The following CLCA2 variants were observed in gnomAD, a reference collection of about 807,000 sequenced individuals.
CLCA2 encodes chloride channel accessory 2, also known as calcium-activated chloride channel regulator 2.
CLCA2 carries 85 observed loss-of-function variants against 82.9 expected under a neutral mutation model. That is an observed-to-expected ratio of 1.03 (90% CI 0.86 to 1.23). The LOEUF (loss-of-function observed/expected upper bound fraction) is 1.23. Among genes scored for constraint, CLCA2 ranks in the 50% most tolerant of loss-of-function variants. CLCA2 has a pLI of 0.00. For missense variants in CLCA2, 1,089 were observed against 1,124.8 expected (o/e 0.97, Z 0.45); for synonymous variants, 421 against 391.7 (o/e 1.07, Z -0.88).
intron 4 of CLCA2, among the ~76,000 whole-genome samples, chr1:86,431,437 T>C (rs1404076956): frequency 6.6e-6 from 1 of 152,242 alleles, no homozygotes; most frequent in Non-Finnish European, 1.5e-5. Flanking sequence ...TTCCCATCTT[T>C]TGTATTATCA....
At chr1:86,430,278 A>G (rs1460153544) in intron 3 of CLCA2, among the ~76,000 whole-genome samples, 1 of 152,140 alleles carries the variant, frequency 6.6e-6, no homozygotes, top group Non-Finnish European at 1.5e-5. Context: ...ACACATAAAC[A>G]TGGAGAATAA....
chr1:86,443,515 A>G (rs1325602455), intron 9 of CLCA2, among the ~76,000 whole-genome samples: 1 of 152,246 alleles, frequency 6.6e-6, no homozygotes, highest in Non-Finnish European at 1.5e-5. Context: ...TGGATAAGAG[A>G]TAATATGAGG....
intron 3 of CLCA2, among the ~76,000 whole-genome samples, chr1:86,429,404 C>T (rs74873327): frequency 0.046 from 7,032 of 152,238 alleles, 218 homozygotes; most frequent in East Asian, 0.1. Flanking sequence ...CACGTGGAGA[C>T]AGCATTAAGG....
Position 86,439,058 on chromosome 1 carries a change from A to T in CLCA2, c.1155A>T (p.Ser385=). The T allele has an allele frequency of 6.2e-7, 1 of 1,614,166 alleles. No individual in the cohort carries two copies. The highest frequency in any genetic ancestry group is 8.5e-7 in the Non-Finnish European group (1 of 1,180,002). Residue 385 remains serine (S), a synonymous_variant, in exon 7 of 14, where the codon TCA becomes TCT. Transcript: ENST00000370565. ...LLVSYLPTTV[S]AKTDISICSG... is the part of the protein sequence containing the mutation. ...TTTCATATCTGCCCACCACTGTATC[A>T]GCTAAAACAGACATCAGCATTTGTT...
At chr1:86,447,867 A>G in intron 11 of CLCA2, 89 bp downstream of exon 11, 1 of 1,346,540 alleles carries the variant, frequency 7.4e-7, no homozygotes, top group East Asian at 2.5e-5. Context: ...TATCTGTAAG[A>G]TTCCTTGAGT....
Position 86,425,481 on chromosome 1 carries a change from G to A in CLCA2, c.324+5G>A. 5 of 1,519,116 alleles carry A rather than the reference G, an allele frequency of 3.3e-6. No homozygotes were observed. Among genetic ancestry groups the A allele is most frequent in the African/African-American group, 1.4e-5 (1 of 71,460 alleles). The allele number at this position is 1,519,116 out of a possible 1,614,324, so 94.1% of individuals were successfully genotyped here. ...AAACAAGAATCATATGAAAAGGTAA[G>A]AATCCAGGATTTCATTCAATGATCT... On this transcript the variant is annotated splice_donor_5th_base_variant and intron_variant, in intron 2 of 13. Coordinates refer to ENST00000370565, the MANE Select transcript of CLCA2 (RefSeq NM_006536.7).
At chr1:86,426,193 C>A (rs1662382175) in intron 2 of CLCA2, among the ~76,000 whole-genome samples, 1 of 152,138 alleles carries the variant, frequency 6.6e-6, no homozygotes, top group Non-Finnish European at 1.5e-5. Context: ...TTGAAGTCAA[C>A]TGTGAACAAG....
chr1:86,446,715 T>C (rs986679159), intron 10 of CLCA2, among the ~76,000 whole-genome samples: 1 of 152,236 alleles, frequency 6.6e-6, no homozygotes, highest in Non-Finnish European at 1.5e-5. Context: ...TGCTTTGTTG[T>C]GTTTCACTTG....
In CLCA2 at chr1:86,450,415, A is replaced by G. The variant is rs115340549; in HGVS notation, c.1985-148A>G. On this transcript the variant is annotated intron_variant, in intron 11 of 13. Coordinates refer to ENST00000370565, the MANE Select transcript of CLCA2 (RefSeq NM_006536.7). ...AAATTATGGACCCATTGGATTTTTT[A>G]TCACCTGAGAATGTAAAAAGTAGAT... The G allele has an allele frequency of 3.6e-3, 1,958 of 540,716 alleles. 26 individuals carry two copies. Among genetic ancestry groups the G allele is most frequent in the African/African-American group, 0.035 (1,800 of 51,798 alleles). The allele number at this position is 540,716 out of a possible 1,614,324, so 33.5% of individuals were successfully genotyped here.
At chr1:86,448,093 C>T (rs1662892730) in intron 11 of CLCA2, 3 of 307,736 alleles carry the variant, frequency 9.7e-6, no homozygotes, top group Non-Finnish European at 1.8e-5. Context: ...TTATGACATA[C>T]TTATATTCCT....
At chr1:86,439,199 C>G in intron 7 of CLCA2, 93 bp downstream of exon 7, 1 of 1,156,382 alleles carries the variant, frequency 8.6e-7, no homozygotes, top group Non-Finnish European at 1.3e-6. Context: ...CAGTTTGTTA[C>G]AGGGTGGTCA....
intron 2 of CLCA2, among the ~76,000 whole-genome samples, chr1:86,428,082 C>A (rs1342643232): frequency 1.3e-5 from 2 of 151,996 alleles, no homozygotes; most frequent in African/African-American, 4.8e-5. Flanking sequence ...TTTGTTATAT[C>A]AGACTTTTAC....
At chr1:86,445,585 G>T (rs1470485745) in intron 10 of CLCA2, 2 of 151,134 alleles carry the variant, frequency 1.3e-5, no homozygotes, top group Non-Finnish European at 2.9e-5. Context: ...TTTTTTAAGG[G>T]GATTGGACAC....
At position 86,432,405 on chromosome 1, in the gene CLCA2, A is replaced by G; in HGVS notation, c.621A>G (p.Glu207=). The change falls in exon 5 of 14, where the codon GAA becomes GAG. Residue 207 remains glutamate, a synonymous_variant. Coordinates refer to ENST00000370565, the MANE Select transcript of CLCA2 (RefSeq NM_006536.7). ...ACATCACAGGCATTTTTGTGTGTGA[A>G]AAAGGTCCTTGCCCCCAAGAAAACT... ...SSDITGIFVC[E]KGPCPQENCI... The G allele has an allele frequency of 6.2e-7, 1 of 1,614,012 alleles. No homozygotes were observed. The highest frequency in any genetic ancestry group is 8.5e-7 in the Non-Finnish European group (1 of 1,179,962).
Position 86,443,896 on chromosome 1 carries a change from GTGGTCCTCC to G in CLCA2, c.1601_1609del (p.Gly534_Pro536del), listed in dbSNP as rs760364483. ...ATGTTTCTAGTTACGTGGCAGGCCAGTGGTCCTCCTGAGATTATATTATTTGATCCTGAT... is the reference window on the plus strand; with the variant it reads ...ATGTTTCTAGTTACGTGGCAGGCCAGTGAGATTATATTATTTGATCCTGAT... On this transcript the variant is annotated inframe_deletion, in exon 10 of 14. Transcript: ENST00000370565. The G allele has an allele frequency of 5.6e-6, 9 of 1,613,692 alleles. No individual in the cohort carries two copies. The East Asian group carries it at 2.0e-4, about 36-fold the overall frequency.
chr1:86,438,616 G>A (rs1662660391), intron 6 of CLCA2, among the ~76,000 whole-genome samples: 1 of 152,168 alleles, frequency 6.6e-6, no homozygotes, highest in Non-Finnish European at 1.5e-5. Flanking sequence ...TGGGGATGAT[G>A]AGAAACAGAG....
At chr1:86,450,759 G>A in intron 12 of CLCA2, 26 bp downstream of exon 12, 1 of 1,555,838 alleles carries the variant, frequency 6.4e-7, no homozygotes, top group Non-Finnish European at 8.7e-7. Flanking sequence ...ACTGTTATTT[G>A]AGTAACATCA....
intron 12 of CLCA2, among the ~76,000 whole-genome samples, chr1:86,451,647 A>T (rs1401449402): frequency 1.3e-5 from 2 of 151,910 alleles, no homozygotes; most frequent in African/African-American, 4.8e-5. Flanking sequence ...CAGGCCTCTA[A>T]ATGTTGTCTG....
chr1:86,440,506 A>T (rs923752825), intron 8 of CLCA2, among the ~76,000 whole-genome samples, 181 bp downstream of exon 8: 30 of 152,244 alleles, frequency 2.0e-4, no homozygotes, highest in African/African-American at 7.2e-4. Flanking sequence ...CATTTTCCCT[A>T]AAGGTTCCAA....
Sources: allele counts gnomAD v4.1 joint callset (sites outside exome capture counted in the v4.1 genomes callset), GRCh38; gene constraint gnomAD v4.1.1; transcripts MANE v1.5; gene names NCBI Gene and HGNC (gene_info 2026-07-23, HGNC 2026-07-21).